The following PARD3 variants were observed in gnomAD, a reference collection of about 807,000 sequenced individuals.
PARD3 encodes partitioning defective 3 homolog.
Under a neutral mutation model 155.4 loss-of-function variants are expected in PARD3, and 75 were observed. The ratio of observed to expected loss-of-function variants is 0.48; its 90% CI spans 0.40 to 0.58. The LOEUF (loss-of-function observed/expected upper bound fraction) is 0.58. Among genes scored for constraint, PARD3 ranks in the 20% least tolerant of loss-of-function variants. The probability of loss-of-function intolerance (pLI) is 0.00; values close to 1 mark genes in which losing one functional copy is unlikely to be tolerated. For missense variants in PARD3, 1,642 were observed against 1,721.7 expected (o/e 0.95, Z 0.82); for synonymous variants, 576 against 610.5 (o/e 0.94, Z 0.83).
At chr10:34,661,901 G>A (rs1436286008) in intron 2 of PARD3, among the ~76,000 whole-genome samples, 1 of 152,152 alleles carries the variant, frequency 6.6e-6, no homozygotes. Context: ...TCATGGAGTA[G>A]TGCAGCAGTC....
intron 22 of PARD3, among the ~76,000 whole-genome samples, chr10:34,204,250 G>GGA (rs1481274122): frequency 6.6e-6 from 1 of 152,176 alleles, no homozygotes; most frequent in Non-Finnish European, 1.5e-5. Context: ...AGAGGCCAAA[G>GGA]GAGAGACCCA....
At chr10:34,634,864 A>G (rs1053478108) in intron 2 of PARD3, among the ~76,000 whole-genome samples, 3 of 152,210 alleles carry the variant, frequency 2.0e-5, no homozygotes, top group African/African-American at 7.2e-5. Flanking sequence ...AAGGCATCAA[A>G]AAGCAAACAG....
Position 34,125,071 on chromosome 10 carries a change from C to CTTT in PARD3, c.3541-5334_3541-5332dup, listed in dbSNP as rs71523316. Among the ~76,000 whole-genome samples, 17 of 140,636 alleles carry CTTT rather than the reference C, an allele frequency of 1.2e-4. 1 individual carries two copies. The highest frequency in any genetic ancestry group is 4.7e-4 in the African/African-American group (17 of 35,858). The allele number at this position is 140,636 out of a possible 152,430, so 92.3% of individuals were successfully genotyped here. A position where few individuals can be genotyped will look rare whatever the true frequency, so the allele number is the denominator to read the frequency against. On this transcript the variant is annotated intron_variant, in intron 23 of 24. Transcript: ENST00000374788. ...GGCTTATCTCCAGGTCTATTTCTTT[C>CTTT]TTTTTTTTTTTTTGAGACGGAGTCT...
intron 2 of PARD3, among the ~76,000 whole-genome samples, chr10:34,542,217 GTGTGTGTGTGTGTGTGT>G (rs2083668039): frequency 8.6e-4 from 4 of 4,634 alleles, no homozygotes; most frequent in African/African-American, 1.0e-3. Context: ...GTGTGTGTGT[GTGTGTGTGTGTGTGTGT>G]GTGTGCACAC....
chr10:34,792,647 A>T (rs1448472994), intron 1 of PARD3, among the ~76,000 whole-genome samples: 1 of 152,178 alleles, frequency 6.6e-6, no homozygotes, highest in Non-Finnish European at 1.5e-5. Context: ...CCTAGGAACA[A>T]GTCGCCACCC....
chr10:34,502,090 C>T (rs151095178), intron 3 of PARD3, among the ~76,000 whole-genome samples: 8 of 152,288 alleles, frequency 5.3e-5, no homozygotes, highest in East Asian at 1.9e-4. Flanking sequence ...ATCTTGCACT[C>T]GCAGCCTGTA....
intron 20 of PARD3, among the ~76,000 whole-genome samples, chr10:34,309,548 C>CAAAAAAAAAAAAAAAAAAAAAAAAAAA (rs1173904388): frequency 6.2e-5 from 4 of 64,030 alleles, no homozygotes; most frequent in Non-Finnish European, 5.6e-5. Flanking sequence ...ACCCTGTCTC[C>CAAAAAAAAAAAAAAAAAAAAAAAAAAA]AAAAAAAAAA....
Position 34,378,096 on chromosome 10 carries a change from A to C in PARD3, c.1410T>G (p.Gly470=), listed in dbSNP as rs758107808. Residue 470 remains glycine (G), a synonymous_variant, in exon 10 of 25, where the codon GGT becomes GGG. Coordinates refer to ENST00000374788, the MANE Select transcript of PARD3 (RefSeq NM_001184785.2). ...LNIQLKKGTE[G]LGFSITSRDV... The stretch of plus-strand genomic sequence containing the variant: ...CTCTGGAAGTGATGCTGAATCCCAA[A>C]CCTTCTGTACCTAGGTATGTGAAGG... The C allele has an allele frequency of 6.3e-7, 1 of 1,588,354 alleles. No homozygotes were observed.
At chr10:34,619,773 T>C (rs1022409106) in intron 2 of PARD3, among the ~76,000 whole-genome samples, 11 of 152,218 alleles carry the variant, frequency 7.2e-5, no homozygotes, top group African/African-American at 2.7e-4. Flanking sequence ...ACAATATTTC[T>C]ACTGCTCACC....
intron 20 of PARD3, among the ~76,000 whole-genome samples, chr10:34,314,392 A>G: frequency 6.6e-6 from 1 of 152,220 alleles, no homozygotes; most frequent in Non-Finnish European, 1.5e-5. Context: ...TTCAATAACA[A>G]AAAAGCTTAT....
chr10:34,504,792 G>T (rs1248240698), intron 3 of PARD3, among the ~76,000 whole-genome samples: 3 of 152,180 alleles, frequency 2.0e-5, no homozygotes, highest in Non-Finnish European at 4.4e-5. Flanking sequence ...GAGGAGCCAG[G>T]CAGGAGCAAA....
intron 5 of PARD3, among the ~76,000 whole-genome samples, chr10:34,448,867 C>T (rs1041781505): frequency 6.6e-6 from 1 of 151,416 alleles, no homozygotes; most frequent in Non-Finnish European, 1.5e-5. Flanking sequence ...CAAGTGTTTT[C>T]ACCACACATA....
chr10:34,736,882 G>A (rs185710743), intron 1 of PARD3, among the ~76,000 whole-genome samples: 11 of 151,960 alleles, frequency 7.2e-5, no homozygotes, highest in Admixed American at 7.2e-4. Context: ...TCGCCATGTT[G>A]GCCAGGTTGG....
rs1164370734 is a variant in PARD3, at chr10:34,109,929, C to T, written c.*1240G>A. The T allele has an allele frequency of 2.0e-5, 3 of 151,906 alleles. No individual in the cohort carries two copies. Among genetic ancestry groups the T allele is most frequent in the African/African-American group, 7.3e-5 (3 of 41,330 alleles). 9.4% of individuals were successfully genotyped at this position (151,906 alleles called of 1,614,324 possible). A position where few individuals can be genotyped will look rare whatever the true frequency, so the allele number is the denominator to read the frequency against. ...ACATCGGGATTCACAGGCACTTTAG[C>T]ACCCCAGCCATGGTTTACAATACAG... On this transcript the variant is annotated 3_prime_UTR_variant, in exon 25 of 25. Coordinates refer to ENST00000374788, the MANE Select transcript of PARD3 (RefSeq NM_001184785.2).
At chr10:34,551,321 T>C (rs2084537420) in intron 2 of PARD3, among the ~76,000 whole-genome samples, 1 of 152,116 alleles carries the variant, frequency 6.6e-6, no homozygotes, top group South Asian at 2.1e-4. Context: ...GTGGACTCAG[T>C]CAATTTTAAC....
intron 4 of PARD3, among the ~76,000 whole-genome samples, chr10:34,465,778 T>C (rs1384558081): frequency 6.6e-6 from 1 of 151,472 alleles, no homozygotes; most frequent in African/African-American, 2.5e-5. Context: ...GAAGGAACAA[T>C]GGCTTGTAGC....
intron 22 of PARD3, among the ~76,000 whole-genome samples, chr10:34,201,359 G>A (rs574353848): frequency 1.3e-5 from 2 of 152,280 alleles, no homozygotes; most frequent in East Asian, 3.9e-4. Context: ...CTTATTGGAA[G>A]GGAACAGTAT....
chr10:34,537,492 A>C (rs638053), intron 2 of PARD3, among the ~76,000 whole-genome samples: 82,937 of 152,086 alleles, frequency 0.55, 25,682 homozygotes, highest in African/African-American at 0.86. Flanking sequence ...CAAGGAGACA[A>C]TGGGTGTTCA....
chr10:34,756,098 G>A (rs1343426853), intron 1 of PARD3, among the ~76,000 whole-genome samples: 4 of 150,660 alleles, frequency 2.7e-5, no homozygotes, highest in Non-Finnish European at 5.9e-5. Flanking sequence ...GTACAGGTTG[G>A]CAGTACCCCT....
Sources: allele counts gnomAD v4.1 joint callset (sites outside exome capture counted in the v4.1 genomes callset), GRCh38; gene constraint gnomAD v4.1.1; transcripts MANE v1.5; gene names NCBI Gene and HGNC (gene_info 2026-07-23, HGNC 2026-07-21).